The following MTCL2 variants were observed in gnomAD, a reference collection of about 807,000 sequenced individuals.
MTCL2 encodes microtubule cross-linking factor 2.
At chr20:36,857,309 C>T in the MTCL2 span, among the ~76,000 whole-genome samples, 3 of 151,972 alleles carry the variant, frequency 2.0e-5, no homozygotes, top group South Asian at 6.2e-4. Flanking sequence ...GCAGCAGGGT[C>T]TGAGCCTCCG....
chr20:36,786,422 C>T, the MTCL2 span: 2 of 1,474,220 alleles, frequency 1.4e-6, no homozygotes, highest in Non-Finnish European at 9.0e-7. Context: ...CGTCTCGTCT[C>T]TGCTGGTTCC....
chr20:36,847,580 C>T, the MTCL2 span, among the ~76,000 whole-genome samples: 4 of 152,054 alleles, frequency 2.6e-5, no homozygotes, highest in Admixed American at 6.6e-5. Flanking sequence ...GGGCCAGGCG[C>T]GGTGGCTCAC....
At chr20:36,844,740 C>T in the MTCL2 span, among the ~76,000 whole-genome samples, 1 of 151,292 alleles carries the variant, frequency 6.6e-6, no homozygotes, top group Non-Finnish European at 1.5e-5. Context: ...AGAAAACAGG[C>T]CAGGTGCAGT....
the MTCL2 span, among the ~76,000 whole-genome samples, chr20:36,855,946 C>A: frequency 6.6e-6 from 1 of 152,196 alleles, no homozygotes; most frequent in African/African-American, 2.4e-5. Flanking sequence ...TCCGGCAGGG[C>A]AGGCCTCAGG....
At chr20:36,853,702 GGTGTGTGTGTGTGTGTGTGTGTGTGT>G in the MTCL2 span, among the ~76,000 whole-genome samples, 1 of 143,832 alleles carries the variant, frequency 7.0e-6, no homozygotes, top group Non-Finnish European at 1.5e-5. Flanking sequence ...ATCAGGGAGG[GGTGTGTGTGTGTGTGTGTGTGTGTGT>G]GTGTGTGTGT....
chr20:36,805,729 A>C, the MTCL2 span: 1 of 797,138 alleles, frequency 1.3e-6, no homozygotes, highest in Non-Finnish European at 2.0e-6. Context: ...CCCTGGGATG[A>C]CCAGGCAATA....
the MTCL2 span, among the ~76,000 whole-genome samples, chr20:36,838,267 G>C: frequency 7.2e-5 from 11 of 152,242 alleles, no homozygotes; most frequent in African/African-American, 2.6e-4. Flanking sequence ...AGCCAGGATG[G>C]TCTCGAGGCC....
chr20:36,837,228 T>G, the MTCL2 span, among the ~76,000 whole-genome samples: 1 of 152,194 alleles, frequency 6.6e-6, no homozygotes, highest in Non-Finnish European at 1.5e-5. Context: ...CAGATCACAC[T>G]GGGCTGAGTT....
At chr20:36,863,159 G>A in the MTCL2 span, 7 of 1,361,736 alleles carry the variant, frequency 5.1e-6, 1 homozygote, top group Non-Finnish European at 6.7e-6. This position sits in a 1 kb window ranked among gnomAD's most constrained non-coding sequence, Gnocchi z 6.2. Flanking sequence ...ACGCGGCGCT[G>A]CAGGCGACTG....
At chr20:36,787,759 G>A in the MTCL2 span, among the ~76,000 whole-genome samples, 9 of 147,924 alleles carry the variant, frequency 6.1e-5, no homozygotes, top group Admixed American at 6.8e-5. Context: ...GGTGGCATGC[G>A]CCTGTAGTCC....
At chr20:36,842,123 T>C in the MTCL2 span, among the ~76,000 whole-genome samples, 1 of 152,176 alleles carries the variant, frequency 6.6e-6, no homozygotes, top group South Asian at 2.1e-4. Flanking sequence ...CAGCTGTTCC[T>C]CACTTCTCCT....
the MTCL2 span, among the ~76,000 whole-genome samples, chr20:36,848,355 C>T: frequency 1.3e-4 from 20 of 152,224 alleles, no homozygotes; most frequent in African/African-American, 4.8e-4. Flanking sequence ...GGCAAACCTG[C>T]TCCCCTCGAT....
At chr20:36,787,037 G>A in the MTCL2 span, among the ~76,000 whole-genome samples, 1,987 of 151,700 alleles carry the variant, frequency 0.013, 24 homozygotes, top group Non-Finnish European at 0.018. Flanking sequence ...ATGTTGCTCA[G>A]GCTGGTCTTG....
chr20:36,860,779 G>A, the MTCL2 span, among the ~76,000 whole-genome samples: 4 of 152,230 alleles, frequency 2.6e-5, no homozygotes, highest in African/African-American at 7.2e-5. Context: ...CAAAGATCAC[G>A]CCGTCAGGAA....
At chr20:36,811,296 G>A in the MTCL2 span, among the ~76,000 whole-genome samples, 1 of 152,166 alleles carries the variant, frequency 6.6e-6, no homozygotes, top group African/African-American at 2.4e-5. Context: ...TTGAATGTGT[G>A]CAGGAAATCA....
the MTCL2 span, among the ~76,000 whole-genome samples, chr20:36,826,245 A>G: frequency 6.9e-6 from 1 of 145,916 alleles, no homozygotes; most frequent in Non-Finnish European, 1.5e-5. Context: ...TCCTGACCTC[A>G]TGATCCGCCT....
chr20:36,835,921 C>G, the MTCL2 span, among the ~76,000 whole-genome samples: 1 of 152,212 alleles, frequency 6.6e-6, no homozygotes, highest in Non-Finnish European at 1.5e-5. Context: ...CTCCAGGTCC[C>G]AGCCTCTCCT....
At chr20:36,847,148 C>T in the MTCL2 span, among the ~76,000 whole-genome samples, 9 of 152,208 alleles carry the variant, frequency 5.9e-5, no homozygotes, top group Non-Finnish European at 1.2e-4. Context: ...TCCTGTTTTG[C>T]AGATGAGGAG....
the MTCL2 span, chr20:36,779,923 G>A: frequency 6.6e-6 from 1 of 152,550 alleles, no homozygotes; most frequent in East Asian, 1.9e-4. Flanking sequence ...CCAAGGAGAA[G>A]AGGAGGCAGG....
Sources: allele counts gnomAD v4.1 joint callset (sites outside exome capture counted in the v4.1 genomes callset), GRCh38; gene constraint gnomAD v4.1.1; non-coding constraint Gnocchi (gnomAD v3.1); transcripts MANE v1.5; gene names NCBI Gene and HGNC (gene_info 2026-07-23, HGNC 2026-07-21).